The following TRIP12 variants were observed in gnomAD, a reference collection of about 807,000 sequenced individuals.
TRIP12 encodes thyroid hormone receptor interactor 12.
TRIP12 carries 25 observed loss-of-function variants against 244.2 expected under a neutral mutation model. That is an observed-to-expected ratio of 0.10 (90% confidence interval 0.07 to 0.14). The LOEUF is 0.14. Among genes scored for constraint, TRIP12 ranks in the 10% least tolerant of loss-of-function variants. The probability of loss-of-function intolerance (pLI) is 1.00; values close to 1 mark genes in which losing one functional copy is unlikely to be tolerated. For missense variants in TRIP12, 1,677 were observed against 2,486.4 expected (o/e 0.67, Z 6.92); for synonymous variants, 905 against 873.1 (o/e 1.04, Z -0.64).
intron 20 of TRIP12, among the ~76,000 whole-genome samples, chr2:229,803,363 C>T (rs2044965710): frequency 6.6e-6 from 1 of 152,222 alleles, no homozygotes; most frequent in South Asian, 2.1e-4. Flanking sequence ...ATCCACCTGC[C>T]TTGGCCTCCC....
chr2:229,796,609 A>G lies in TRIP12; in HGVS notation c.3798T>C (p.His1266=), dbSNP rs1231004321. ...SREIRLKRFL[H]VFFSSPLPGE... ...AACTTACTGGAGAAGAAAAAAATAC[A>G]TGAAGAAATCGCTTTAATCTGATCT... The change falls in exon 25 of 42, where the codon CAT becomes CAC. Residue 1266 remains histidine (H), a synonymous_variant. Transcript: ENST00000675903. 1.9e-6 allele frequency: 3 copies of G among 1,590,596 alleles called. No homozygotes were observed. In the African/African-American group the frequency reaches 4.1e-5, roughly 22 times the overall value.
chr2:229,857,646 A>G (rs1271441899), intron 4 of TRIP12, among the ~76,000 whole-genome samples: 1 of 151,964 alleles, frequency 6.6e-6, no homozygotes, highest in Non-Finnish European at 1.5e-5. Flanking sequence ...TCAAAAAAAA[A>G]AAAGAAGGGA....
At chr2:229,866,529 T>C (rs1000715773) in intron 2 of TRIP12, among the ~76,000 whole-genome samples, 3 of 152,224 alleles carry the variant, frequency 2.0e-5, no homozygotes, top group East Asian at 1.9e-4. Context: ...CTTCATTTAT[T>C]TGAAGATATT....
rs1575721090 is a variant in TRIP12 at position 229,836,967 on chromosome 2, A to G, written c.1151T>C (p.Leu384Pro). ...AGCTTCAGCTGCTCCTCTTTTGCCC[A>G]GGCCAGAGCCTCGCCGACTACAACA... is the stretch of plus-strand genomic sequence containing the variant. ...CASTSRRGSGLGKRGAAEARR... is the reference protein window; with the variant it reads ...CASTSRRGSGPGKRGAAEARR... The change falls in exon 6 of 42, where the codon CTG becomes CCG. Residue 384 changes from leucine to proline, a missense_variant. Around this residue, in one of 11 missense-constraint regions of TRIP12, gnomAD observed 143 missense variants for 215.6 expected, o/e 0.66. Coordinates refer to ENST00000675903, the MANE Select transcript of TRIP12 (RefSeq NM_001348323.3). The G allele has an allele frequency of 6.4e-7, 1 of 1,568,012 alleles. No homozygotes were observed. Among genetic ancestry groups the G allele is most frequent in the Non-Finnish European group, 8.6e-7 (1 of 1,162,954 alleles).
intron 2 of TRIP12, among the ~76,000 whole-genome samples, chr2:229,867,692 CTTTTTAAAAGTGGT>C (rs2061820965): frequency 6.6e-6 from 1 of 152,208 alleles, no homozygotes; most frequent in African/African-American, 2.4e-5. Flanking sequence ...ACTGGGAAAG[CTTTTTAAAAGTGGT>C]TTGGAGTATC....
chr2:229,766,554 G>C lies in TRIP12; in HGVS notation c.*1000C>G, dbSNP rs1277372137. 1 of 152,098 alleles carries C rather than the reference G, an allele frequency of 6.6e-6. No individual in the cohort carries two copies. Among genetic ancestry groups the C allele is most frequent in the Non-Finnish European group, 1.5e-5 (1 of 68,028 alleles). The allele number at this position is 152,098 out of a possible 1,614,324, so 9.4% of individuals were successfully genotyped here. A position where few individuals can be genotyped will look rare whatever the true frequency, so the allele number is the denominator to read the frequency against. The stretch of plus-strand genomic sequence containing the variant: ...AGTCAGCACTGGGAGAAGGGGAAGA[G>C]GAGCGTGGAATAAAGAAGACTATGA... On this transcript the variant is annotated 3_prime_UTR_variant, in exon 42 of 42. Transcript: ENST00000675903.
intron 8 of TRIP12, among the ~76,000 whole-genome samples, chr2:229,821,233 C>T (rs149413923): frequency 1.3e-5 from 2 of 152,130 alleles, no homozygotes; most frequent in Non-Finnish European, 2.9e-5. Context: ...AAGATCCCAC[C>T]AGTTTTACCC....
At chr2:229,779,651 A>G (rs951051655) in intron 34 of TRIP12, among the ~76,000 whole-genome samples, 2 of 152,156 alleles carry the variant, frequency 1.3e-5, no homozygotes, top group Non-Finnish European at 2.9e-5. Context: ...CAGGACACCA[A>G]TGCTTCTCAA....
chr2:229,847,395 T>C (rs1423617688), intron 4 of TRIP12, among the ~76,000 whole-genome samples: 2 of 152,206 alleles, frequency 1.3e-5, no homozygotes, highest in African/African-American at 2.4e-5. Context: ...GATCATACTT[T>C]TGCATATGCC....
At chr2:229,837,632 T>G (rs1230900595) in intron 5 of TRIP12, among the ~76,000 whole-genome samples, 3 of 151,778 alleles carry the variant, frequency 2.0e-5, no homozygotes, top group South Asian at 2.1e-4. Flanking sequence ...AACAAAAAAA[T>G]TATACAAAAG....
chr2:229,888,408 C>T (rs2066509626), intron 1 of TRIP12, among the ~76,000 whole-genome samples: 1 of 151,790 alleles, frequency 6.6e-6, no homozygotes, highest in South Asian at 2.1e-4. Flanking sequence ...GAGGAATACG[C>T]CCAGGATGAA....
chr2:229,825,797 G>C (rs1466098737), intron 8 of TRIP12, among the ~76,000 whole-genome samples: 4 of 152,156 alleles, frequency 2.6e-5, no homozygotes, highest in Non-Finnish European at 5.9e-5. Flanking sequence ...AACTGAGTTT[G>C]GCACATCTTG....
At chr2:229,829,150 G>T (rs1260544368) in intron 8 of TRIP12, 43 bp downstream of exon 8, 1 of 1,560,398 alleles carries the variant, frequency 6.4e-7, no homozygotes. Flanking sequence ...ATAGCAGTTG[G>T]CTAATTATTG....
At chr2:229,788,664 T>C in intron 32 of TRIP12, 134 bp downstream of exon 32, 1 of 1,218,702 alleles carries the variant, frequency 8.2e-7, no homozygotes, top group Non-Finnish European at 1.1e-6. Flanking sequence ...AGCCACACAA[T>C]TAAGCAAGTT....
intron 1 of TRIP12, among the ~76,000 whole-genome samples, chr2:229,881,000 G>A (rs2064751260): frequency 6.6e-6 from 1 of 152,102 alleles, no homozygotes; most frequent in Non-Finnish European, 1.5e-5. Flanking sequence ...GAAAAGATGA[G>A]GAGAAAACAG....
intron 4 of TRIP12, among the ~76,000 whole-genome samples, chr2:229,853,054 C>T (rs775447907): frequency 6.6e-6 from 1 of 152,156 alleles, no homozygotes; most frequent in Non-Finnish European, 1.5e-5. Context: ...CTTAAAAATA[C>T]TGTTGTTCCT....
chr2:229,877,025 A>G (rs2063723183), intron 2 of TRIP12, among the ~76,000 whole-genome samples: 1 of 151,858 alleles, frequency 6.6e-6, no homozygotes, highest in Non-Finnish European at 1.5e-5. Flanking sequence ...ACATGATACT[A>G]GGTTGGTGCA....
Position 229,860,438 on chromosome 2 carries a change from A to G in TRIP12, c.192T>C (p.Thr64=), listed in dbSNP as rs768506164. The part of the protein sequence containing the change: ...SKAPKVQSNT[T]SELSRGHLSK... ...AAAGGTGTCCCCTTGACAGTTCAGA[A>G]GTAGTATTAGACTGCACTTTGGGTG... Residue 64 remains threonine, a synonymous_variant, in exon 3 of 42, where the codon ACT becomes ACC. Transcript: ENST00000675903. 1.2e-6 allele frequency: 2 copies of G among 1,610,756 alleles called. No homozygotes were observed. The highest frequency in any genetic ancestry group is 1.3e-5 in the African/African-American group (1 of 74,972).
At chr2:229,776,798 T>G (rs1216901322) in intron 37 of TRIP12, among the ~76,000 whole-genome samples, 1 of 152,186 alleles carries the variant, frequency 6.6e-6, no homozygotes, top group Non-Finnish European at 1.5e-5. Flanking sequence ...ATTATATACA[T>G]TAAAATTATA....
Sources: allele counts gnomAD v4.1 joint callset (sites outside exome capture counted in the v4.1 genomes callset), GRCh38; gene constraint gnomAD v4.1.1; regional missense constraint gnomAD v4.1.1; transcripts MANE v1.5; gene names NCBI Gene and HGNC (gene_info 2026-07-23, HGNC 2026-07-21).